NCKAP1L: variants seen among roughly 807,000 people sequenced by gnomAD.
The protein encoded by NCKAP1L is nck-associated protein 1-like.
Under a neutral mutation model 139.2 loss-of-function variants are expected in NCKAP1L, and 53 were observed. The observed-to-expected ratio is 0.38, with a 90% CI of 0.31 to 0.48. The LOEUF is 0.48. Ranked by LOEUF, NCKAP1L falls within the 20% of genes least tolerant of loss-of-function variation. The pLI is 0.98. For missense variants in NCKAP1L, 1,151 were observed against 1,381.9 expected (o/e 0.83, Z 2.65); for synonymous variants, 468 against 499.7 (o/e 0.94, Z 0.85).
At chr12:54,532,125 ATTGGTCATGGTC>A in intron 25 of NCKAP1L, 33 bp from the exon 26 acceptor site, 1 of 1,377,962 alleles carries the variant, frequency 7.3e-7, no homozygotes, top group Non-Finnish European at 1.0e-6. Context: ...TTTTGAAGGC[ATTGGTCATGGTC>A]TTGTGGACTC....
intron 7 of NCKAP1L, chr12:54,510,480 C>A: frequency 4.7e-6 from 1 of 213,506 alleles, no homozygotes; most frequent in South Asian, 5.2e-5. Context: ...TGTGTGCCAC[C>A]ATGGTTGACT....
intron 11 of NCKAP1L, 138 bp from the exon 12 acceptor site, chr12:54,517,395 G>A: frequency 1.5e-6 from 1 of 648,230 alleles, no homozygotes; most frequent in Non-Finnish European, 2.7e-6. Flanking sequence ...AGGTTTTTTG[G>A]TGAGTCTGAA....
In NCKAP1L at chr12:54,531,843, G is replaced by T; in HGVS notation, c.2781+18G>T. ...TTCGGGAGGTGAGTTGGTGGGGAGG[G>T]GTCTGTCACAGAGTCACAGATACCT... On this transcript the variant is annotated intron_variant, in intron 25 of 30. Coordinates refer to ENST00000293373, the MANE Select transcript of NCKAP1L (RefSeq NM_005337.5). 1 of 1,588,120 alleles carries T rather than the reference G, an allele frequency of 6.3e-7. No homozygotes were observed. Among genetic ancestry groups the T allele is most frequent in the Non-Finnish European group, 8.6e-7 (1 of 1,156,966 alleles).
At chr12:54,531,650 C>T in intron 24 of NCKAP1L, 66 bp downstream of exon 24, 1 of 1,603,508 alleles carries the variant, frequency 6.2e-7, no homozygotes, top group Non-Finnish European at 8.5e-7. Flanking sequence ...ACAGGGTTTT[C>T]AGGAATCTGG....
intron 13 of NCKAP1L, among the ~76,000 whole-genome samples, chr12:54,518,294 A>T (rs112538405): frequency 0.037 from 5,554 of 151,938 alleles, 150 homozygotes; most frequent in South Asian, 0.09. Flanking sequence ...GTGAGCCGAG[A>T]TCGCGCCACT....
Position 54,543,690 on chromosome 12 carries a change from A to C in NCKAP1L, c.*1005A>C, listed in dbSNP as rs1957177257. The C allele has an allele frequency of 6.6e-6, 1 of 152,196 alleles. No individual in the cohort carries two copies. Among genetic ancestry groups the C allele is most frequent in the East Asian group, 1.9e-4 (1 of 5,200 alleles). 9.4% of individuals were successfully genotyped at this position (152,196 alleles called of 1,614,324 possible). On this transcript the variant is annotated 3_prime_UTR_variant, in exon 31 of 31. Coordinates refer to ENST00000293373, the MANE Select transcript of NCKAP1L (RefSeq NM_005337.5). Reference sequence around the variant, plus strand: ...GAGGGAGTACAAGCTGTTTCAACTTAGCCCTTTTCTGCGCTAATTAGAATT... The same window carrying C: ...GAGGGAGTACAAGCTGTTTCAACTTCGCCCTTTTCTGCGCTAATTAGAATT...
At chr12:54,512,764 ATGTGTGTGTGTG>A (rs55837974) in intron 9 of NCKAP1L, among the ~76,000 whole-genome samples, 1 of 149,944 alleles carries the variant, frequency 6.7e-6, no homozygotes, top group South Asian at 2.1e-4. Flanking sequence ...GAGTGTGTGT[ATGTGTGTGTGTG>A]TGTGTGTGTG....
intron 19 of NCKAP1L, 49 bp from the exon 20 acceptor site, chr12:54,523,776 A>G (rs957887244): frequency 3.1e-6 from 5 of 1,588,648 alleles, no homozygotes; most frequent in Non-Finnish European, 4.3e-6. Flanking sequence ...CTTCCTAGAC[A>G]TTAGCAGGCA....
intron 22 of NCKAP1L, among the ~76,000 whole-genome samples, chr12:54,529,772 G>T (rs1162231745): frequency 1.3e-5 from 2 of 152,044 alleles, no homozygotes; most frequent in Non-Finnish European, 2.9e-5. Context: ...AATTTCCCTT[G>T]GTTGCCATAG....
intron 9 of NCKAP1L, chr12:54,512,361 C>T (rs767139993): frequency 3.1e-6 from 1 of 323,768 alleles, no homozygotes; most frequent in East Asian, 6.3e-5. Flanking sequence ...TCAGGCTCTA[C>T]CACTAGTTGT....
chr12:54,497,899 T>C lies in NCKAP1L; in HGVS notation c.102+8T>C, dbSNP rs777156954. 5.8e-6 allele frequency: 9 copies of C among 1,543,784 alleles called. No homozygotes were observed. Among genetic ancestry groups the C allele is most frequent in the Non-Finnish European group, 8.1e-6 (9 of 1,115,756 alleles). Reference sequence around the variant, plus strand: ...ATGTATAACATCAAGAAGGTAAGCATGAACAATGGGACTAGTACTGATTAT... The same window carrying C: ...ATGTATAACATCAAGAAGGTAAGCACGAACAATGGGACTAGTACTGATTAT... On this transcript the variant is annotated splice_region_variant and intron_variant, in intron 1 of 30. Coordinates refer to ENST00000293373, the MANE Select transcript of NCKAP1L (RefSeq NM_005337.5).
intron 3 of NCKAP1L, among the ~76,000 whole-genome samples, chr12:54,506,295 T>G (rs1956838870): frequency 6.6e-6 from 1 of 152,178 alleles, no homozygotes; most frequent in Non-Finnish European, 1.5e-5. Context: ...ATTATTAGAC[T>G]TACATTTTAG....
Position 54,516,828 on chromosome 12 carries a change from C to T in NCKAP1L, c.999-68C>T, listed in dbSNP as rs11170963. On this transcript the variant is annotated intron_variant, in intron 10 of 30. Coordinates refer to ENST00000293373, the MANE Select transcript of NCKAP1L (RefSeq NM_005337.5). ...ATCCCTTCCTAAATATAGCTTTCTT[C>T]TGTGCTGCCTGTGGAGGGTTTTTAA... 388 of 1,350,724 alleles carry T rather than the reference C, an allele frequency of 2.9e-4. 3 individuals are homozygous for T. In the East Asian group the frequency reaches 9.0e-3, roughly 32 times the overall value. The allele number at this position is 1,350,724 out of a possible 1,614,324, so 83.7% of individuals were successfully genotyped here. A position where few individuals can be genotyped will look rare whatever the true frequency, so the allele number is the denominator to read the frequency against.
In NCKAP1L at chr12:54,547,414, G is replaced by T. The variant is rs1027045647; in HGVS notation, c.*4729G>T. On this transcript the variant is annotated 3_prime_UTR_variant, in exon 31 of 31. Coordinates refer to ENST00000293373, the MANE Select transcript of NCKAP1L (RefSeq NM_005337.5). ...TTTACTTTTTCCATCAAACTGTGTTGTCTATGAAGTTTTCCCATTTATTAA... is the reference window on the plus strand; with the variant it reads ...TTTACTTTTTCCATCAAACTGTGTTTTCTATGAAGTTTTCCCATTTATTAA... The T allele has an allele frequency of 2.6e-5, 4 of 151,972 alleles. No individual in the cohort carries two copies. The highest frequency in any genetic ancestry group is 4.4e-5 in the Non-Finnish European group (3 of 68,026). 9.4% of individuals were successfully genotyped at this position (151,972 alleles called of 1,614,324 possible).
intron 25 of NCKAP1L, 110 bp downstream of exon 25, chr12:54,531,935 G>A (rs2120959425): frequency 1.0e-6 from 1 of 968,888 alleles, no homozygotes; most frequent in East Asian, 2.5e-5. Flanking sequence ...TTCTGCTTCA[G>A]AAGGGGTTGG....
intron 18 of NCKAP1L, among the ~76,000 whole-genome samples, 189 bp downstream of exon 18, chr12:54,521,427 C>G (rs917756569): frequency 6.6e-6 from 1 of 152,168 alleles, no homozygotes; most frequent in African/African-American, 2.4e-5. Context: ...TCTTTCCTCC[C>G]TTAGGACTGG....
chr12:54,500,738 A>G, intron 3 of NCKAP1L, 113 bp downstream of exon 3: 1 of 723,130 alleles, frequency 1.4e-6, no homozygotes, highest in Non-Finnish European at 2.5e-6. Flanking sequence ...AGAGAGATGT[A>G]CTAATATGGA....
At chr12:54,533,156 T>A (rs570778508) in intron 26 of NCKAP1L, among the ~76,000 whole-genome samples, 4 of 152,230 alleles carry the variant, frequency 2.6e-5, no homozygotes, top group African/African-American at 9.6e-5. Context: ...TCTTGAAAGA[T>A]CTTTGATTTT....
intron 18 of NCKAP1L, among the ~76,000 whole-genome samples, chr12:54,522,004 G>C (rs1040722496): frequency 6.6e-6 from 1 of 152,012 alleles, no homozygotes; most frequent in Non-Finnish European, 1.5e-5. Context: ...TTTCTTTACA[G>C]AAGTGTCTTA....
Sources: allele counts gnomAD v4.1 joint callset (sites outside exome capture counted in the v4.1 genomes callset), GRCh38; gene constraint gnomAD v4.1.1; transcripts MANE v1.5; gene names NCBI Gene and HGNC (gene_info 2026-07-23, HGNC 2026-07-21).